The following ZNF227 variants were observed in gnomAD, a reference collection of about 807,000 sequenced individuals.
ZNF227 encodes the protein zinc finger protein 227.
A neutral mutation model predicts 13.2 loss-of-function variants in ZNF227; 12 were observed. The ratio of observed to expected loss-of-function variants is 0.91; its 90% confidence interval spans 0.58 to 1.47. The LOEUF is 1.47. Among genes scored for constraint, ZNF227 ranks in the 40% most tolerant of loss-of-function variants. ZNF227 has a pLI of 0.00. For missense variants in ZNF227, 885 were observed against 967.5 expected (o/e 0.91, Z 1.13); for synonymous variants, 338 against 326.0 (o/e 1.04, Z -0.40).
At chr19:44,234,679 T>C (rs1486584403) in intron 5 of ZNF227, 23 bp from the exon 6 acceptor site, 2 of 1,548,278 alleles carry the variant, frequency 1.3e-6, no homozygotes. Flanking sequence ...TCTCTAAATA[T>C]TGCCTTTTTT....
intron 3 of ZNF227, 111 bp downstream of exon 3, chr19:44,217,963 A>C (rs1972072239): frequency 2.5e-6 from 3 of 1,223,496 alleles, no homozygotes; most frequent in Non-Finnish European, 3.5e-6. Context: ...TATTCAGGAC[A>C]TGTGGTATGC....
intron 5 of ZNF227, among the ~76,000 whole-genome samples, chr19:44,233,499 T>TA (rs1272857241): frequency 1.3e-5 from 2 of 152,202 alleles, no homozygotes; most frequent in African/African-American, 4.8e-5. Context: ...TCATGACCGT[T>TA]ACATTCTACT....
upstream of ZNF227, chr19:44,212,489 C>G (rs759669730): frequency 1.3e-5 from 2 of 151,164 alleles, no homozygotes; most frequent in Non-Finnish European, 2.9e-5. Context: ...GCCGCAGGAG[C>G]GCGGGCCTTC....
rs1396429357 is a variant in ZNF227 at position 44,228,430 on chromosome 19, G to GTGTT, written c.61-13_61-10dup. On this transcript the variant is annotated splice_polypyrimidine_tract_variant and intron_variant, in intron 3 of 5. Transcript: ENST00000313040. ...GTTGGTTGTAAGATTGAGGTTACAT[G>GTGTT]TGTTTGATATTGTAGGAGGCTGTGA... is the stretch of plus-strand genomic sequence containing the variant. The GTGTT allele has an allele frequency of 2.5e-6, 4 of 1,606,782 alleles. No individual in the cohort carries two copies. In the African/African-American group the frequency reaches 5.4e-5, roughly 22 times the overall value.
rs199751508 is a variant in ZNF227 at position 44,228,475 on chromosome 19, G to C, written c.90G>C (p.Val30=). ...QEAVTFKDVA[V]VFSREELRLL... Reference sequence around the variant, plus strand: ...CTGTGACATTCAAGGATGTGGCTGTGGTCTTCTCCAGGGAGGAACTGCGAC... The same window carrying C: ...CTGTGACATTCAAGGATGTGGCTGTCGTCTTCTCCAGGGAGGAACTGCGAC... Residue 30 remains valine, a synonymous_variant, in exon 4 of 6, where the codon GTG becomes GTC. Transcript: ENST00000313040. 63 of 1,613,428 alleles carry C rather than the reference G, an allele frequency of 3.9e-5. 1 individual carries two copies. Among genetic ancestry groups the C allele is most frequent in the Admixed American group, 2.8e-4 (17 of 59,908 alleles).
upstream of ZNF227, among the ~76,000 whole-genome samples, chr19:44,211,238 C>CA (rs957572516): frequency 7.8e-3 from 1,031 of 132,986 alleles, 13 homozygotes; most frequent in East Asian, 0.012. Flanking sequence ...CAAAACAGAA[C>CA]AAAAAAAAAA....
At chr19:44,219,463 T>G (rs1358460998) in intron 3 of ZNF227, among the ~76,000 whole-genome samples, 2 of 152,058 alleles carry the variant, frequency 1.3e-5, no homozygotes, top group Middle Eastern at 3.4e-3. Flanking sequence ...AAATTCCAAC[T>G]GGAATATGAG....
intron 2 of ZNF227, among the ~76,000 whole-genome samples, chr19:44,216,261 A>G (rs940984881): frequency 2.6e-5 from 4 of 151,834 alleles, no homozygotes; most frequent in African/African-American, 4.8e-5. Flanking sequence ...GTAAATAATC[A>G]TCTAGTTGAA....
chr19:44,229,397 A>AGGT (rs1272672488), intron 4 of ZNF227, among the ~76,000 whole-genome samples: 1 of 152,172 alleles, frequency 6.6e-6, no homozygotes, highest in East Asian at 1.9e-4. Flanking sequence ...GGATCACTTG[A>AGGT]GGTCACGAGT....
chr19:44,235,570 C>G lies in ZNF227; in HGVS notation c.1140C>G (p.Tyr380Ter). ...GAGTCCACACTGAAGAAAAACCATA[C>G]AAATGCGAAGAGTGTGGTAAGGGCT... is the stretch of plus-strand genomic sequence containing the variant. ...HQRVHTEEKP[Y>*]KCEECGKGFG... The change falls in exon 6 of 6, where the codon TAC becomes TAG. Residue 380 changes from tyrosine (Y) to a stop codon, truncating the protein, a stop_gained. Transcript: ENST00000313040. LOFTEE classifies it low-confidence loss of function (END_TRUNC). 6.2e-7 allele frequency: 1 copy of G among 1,614,068 alleles called. No individual in the cohort carries two copies. The highest frequency in any genetic ancestry group is 8.5e-7 in the Non-Finnish European group (1 of 1,179,998).
chr19:44,224,214 G>A (rs1212880166), intron 3 of ZNF227, among the ~76,000 whole-genome samples: 1 of 152,156 alleles, frequency 6.6e-6, no homozygotes, highest in African/African-American at 2.4e-5. Context: ...TGGAATAGTT[G>A]TGGTGTGGTG....
rs762107976 is a variant in ZNF227, at chr19:44,235,386, C to G, written c.956C>G (p.Thr319Arg). 2 of 1,614,030 alleles carry G rather than the reference C, an allele frequency of 1.2e-6. No homozygotes were observed. Among genetic ancestry groups the G allele is most frequent in the Admixed American group, 3.3e-5 (2 of 60,006 alleles). Reference protein sequence around the residue: ...SSFHSYQSNHTGEKSYRCDSC... With the variant: ...SSFHSYQSNHRGEKSYRCDSC... ...TTTCATTCTTATCAATCTAATCATA[C>G]AGGAGAGAAGTCTTATAGATGCGAC... is the stretch of plus-strand genomic sequence containing the variant. Residue 319 changes from threonine to arginine, a missense_variant, in exon 6 of 6, where the codon ACA becomes AGA. By Grantham distance (71) the Thr-to-Arg change is moderately conservative. Transcript: ENST00000313040.
chr19:44,235,499 TGTG>T lies in ZNF227; in HGVS notation c.1072_1074del (p.Gly358del). The stretch of plus-strand genomic sequence containing the variant: ...AGAGAAACCCTATAAATGCGAGGAA[TGTG>T]GTAAATGCTTTAGTCAAAGTTCAAA... On this transcript the variant is annotated inframe_deletion, in exon 6 of 6. Transcript: ENST00000313040. 6.2e-7 allele frequency: 1 copy of T among 1,614,134 alleles called. No homozygotes were observed. The highest frequency in any genetic ancestry group is 1.3e-5 in the African/African-American group (1 of 75,038).
intron 4 of ZNF227, 45 bp downstream of exon 4, chr19:44,228,617 A>G: frequency 6.4e-7 from 1 of 1,560,736 alleles, no homozygotes; most frequent in Non-Finnish European, 8.6e-7. Flanking sequence ...TTCCCTTGAG[A>G]ATCTCTTTGC....
At position 44,234,929 on chromosome 19, in the gene ZNF227, C is replaced by G; in HGVS notation, c.499C>G (p.Gln167Glu). The G allele has an allele frequency of 6.2e-7, 1 of 1,613,020 alleles. No homozygotes were observed. Among genetic ancestry groups the G allele is most frequent in the Non-Finnish European group, 8.5e-7 (1 of 1,179,796 alleles). ...AGATAGCTCTATTTATATTGAAAAT[C>G]AAGAGTTTCCATTTTGGAGAACCCA... is the stretch of plus-strand genomic sequence containing the variant. ...KGDSSIYIEN[Q>E]EFPFWRTQHS... Residue 167 changes from glutamine to glutamate, a missense_variant, in exon 6 of 6, where the codon CAA becomes GAA. Transcript: ENST00000313040.
rs757661352 is a variant in ZNF227 at position 44,217,785 on chromosome 19, C to T, written c.-2-6C>T. ...TGTGTCTCATGGCGTCTTTGGTCTC[C>T]CCCAGTTATGCCATCTCAGAACTAT... On this transcript the variant is annotated splice_polypyrimidine_tract_variant and splice_region_variant and intron_variant, in intron 2 of 5. Coordinates refer to ENST00000313040, the MANE Select transcript of ZNF227 (RefSeq NM_182490.3). The T allele has an allele frequency of 6.2e-7, 1 of 1,614,188 alleles. No homozygotes were observed. The highest frequency in any genetic ancestry group is 1.1e-5 in the South Asian group (1 of 91,086).
intron 3 of ZNF227, among the ~76,000 whole-genome samples, chr19:44,220,879 G>T (rs200098106): frequency 6.6e-6 from 1 of 151,162 alleles, no homozygotes; most frequent in Admixed American, 6.6e-5. Context: ...TCATTGTTCA[G>T]TTCCCACCTA....
chr19:44,226,561 G>A lies in ZNF227; in HGVS notation c.61-1885G>A, dbSNP rs534311101. On this transcript the variant is annotated intron_variant, in intron 3 of 5. Transcript: ENST00000313040. Reference sequence around the variant, plus strand: ...TAGCAATCAGCGAGACTCTGTGGGCGTAGGACCCTCCGAGCCATGTGCAGG... The same window carrying A: ...TAGCAATCAGCGAGACTCTGTGGGCATAGGACCCTCCGAGCCATGTGCAGG... Among the ~76,000 whole-genome samples the A allele has an allele frequency of 1.6e-3, 238 of 152,348 alleles. 2 individuals are homozygous for A. The highest frequency in any genetic ancestry group is 5.5e-3 in the African/African-American group (227 of 41,578).
chr19:44,230,980 C>T (rs1181580110), intron 5 of ZNF227, among the ~76,000 whole-genome samples: 2 of 140,102 alleles, frequency 1.4e-5, no homozygotes, highest in Non-Finnish European at 3.0e-5. Flanking sequence ...TAGCATACAT[C>T]TGTAGTCCCA....
Sources: allele counts gnomAD v4.1 joint callset (sites outside exome capture counted in the v4.1 genomes callset), GRCh38; gene constraint gnomAD v4.1.1; transcripts MANE v1.5; gene names NCBI Gene and HGNC (gene_info 2026-07-23, HGNC 2026-07-21).